Variants in AKAP13 observed in about 807,000 individuals in gnomAD.
The protein encoded by AKAP13 is A-kinase anchoring protein 13.
Under a neutral mutation model 264.5 loss-of-function variants are expected in AKAP13, and 80 were observed. The ratio of observed to expected loss-of-function variants is 0.30; its 90% CI spans 0.25 to 0.36. The LOEUF is 0.36. AKAP13 is among the 10% of genes least tolerant of loss of function. AKAP13 has a pLI of 1.00. For missense variants in AKAP13, 3,712 were observed against 3,435.2 expected, an observed-to-expected ratio of 1.08 and a Z score of -2.01; for synonymous variants, 1,380 against 1,250.2, an observed-to-expected ratio of 1.10 and a Z score of -2.19.
intron 1 of AKAP13, among the ~76,000 whole-genome samples, chr15:85,402,711 C>T (rs1028910612): frequency 2.0e-5 from 3 of 151,910 alleles, no homozygotes; most frequent in Non-Finnish European, 4.4e-5. Context: ...ATCTGTATGT[C>T]TCACTTAACC....
intron 8 of AKAP13, among the ~76,000 whole-genome samples, chr15:85,593,108 G>A (rs919147823): frequency 1.7e-4 from 26 of 152,206 alleles, no homozygotes; most frequent in African/African-American, 6.0e-4. Flanking sequence ...CCAGGAGTTC[G>A]AGACCAGCCT....
intron 2 of AKAP13, among the ~76,000 whole-genome samples, chr15:85,516,700 G>A (rs910130672): frequency 8.6e-5 from 13 of 151,798 alleles, no homozygotes; most frequent in African/African-American, 2.2e-4. Context: ...TGGTGTGCTG[G>A]TTAAAAAGAA....
chr15:85,684,548 A>G, intron 15 of AKAP13, 193 bp from the exon 16 acceptor site: 1 of 568,608 alleles, frequency 1.8e-6, no homozygotes, highest in Non-Finnish European at 3.0e-6. Flanking sequence ...TGTCTCCAAA[A>G]CAGACAAGTG....
intron 1 of AKAP13, among the ~76,000 whole-genome samples, chr15:85,391,486 C>CTTT (rs759926035): frequency 1.2e-4 from 16 of 135,772 alleles, no homozygotes; most frequent in African/African-American, 3.5e-4. Flanking sequence ...CTTTTCTTTT[C>CTTT]TTTTTTTTTT....
At chr15:85,603,353 C>CAGA (rs1388323086) in intron 8 of AKAP13, among the ~76,000 whole-genome samples, 1 of 152,216 alleles carries the variant, frequency 6.6e-6, no homozygotes, top group Non-Finnish European at 1.5e-5. Flanking sequence ...GCACCAATGC[C>CAGA]TTGGTTTGTG....
chr15:85,741,297 C>T lies in AKAP13; in HGVS notation c.7860C>T (p.Ala2620=). 2.5e-6 allele frequency: 4 copies of T among 1,611,408 alleles called. No homozygotes were observed. The highest frequency in any genetic ancestry group is 3.4e-6 in the Non-Finnish European group (4 of 1,178,960). ...RELREREALL[A]QREEEVQQGQ... ...TGCGGGAGCGGGAGGCCCTCCTGGCCCAGCGCGAGGAGGAGGTGCAGCAGG... is the reference window on the plus strand; with the variant it reads ...TGCGGGAGCGGGAGGCCCTCCTGGCTCAGCGCGAGGAGGAGGTGCAGCAGG... Residue 2620 remains alanine (A), a synonymous_variant, in exon 35 of 37, where the codon GCC becomes GCT. Coordinates refer to ENST00000394518, the MANE Select transcript of AKAP13 (RefSeq NM_007200.5).
chr15:85,480,502 G>T (rs1237586695), intron 1 of AKAP13, among the ~76,000 whole-genome samples: 2 of 151,710 alleles, frequency 1.3e-5, no homozygotes, highest in African/African-American at 4.8e-5. Context: ...CAAGTTAAGT[G>T]ACTTGCTCAA....
intron 12 of AKAP13, chr15:85,662,273 A>G: frequency 1.0e-6 from 1 of 985,768 alleles, no homozygotes; most frequent in Admixed American, 2.1e-5. Context: ...TTTTTTGTTG[A>G]TCGCATAAAT....
At chr15:85,735,237 C>A in intron 31 of AKAP13, 87 bp downstream of exon 31, 1 of 1,509,688 alleles carries the variant, frequency 6.6e-7, no homozygotes. Context: ...GTAGCTACAT[C>A]ACCGCTCCCA....
chr15:85,739,026 G>A (rs2088765448), intron 33 of AKAP13, among the ~76,000 whole-genome samples: 1 of 152,068 alleles, frequency 6.6e-6, no homozygotes, highest in Non-Finnish European at 1.5e-5. Flanking sequence ...TTTCCCCAAG[G>A]CATGTTTTTA....
chr15:85,459,512 T>C (rs553814408), intron 1 of AKAP13, among the ~76,000 whole-genome samples: 2 of 151,344 alleles, frequency 1.3e-5, no homozygotes, highest in South Asian at 4.2e-4. Flanking sequence ...TTTTTCTTTT[T>C]TTTTTGAGAT....
At chr15:85,705,623 T>G (rs557028639) in intron 17 of AKAP13, among the ~76,000 whole-genome samples, 2 of 152,104 alleles carry the variant, frequency 1.3e-5, no homozygotes, top group African/African-American at 4.8e-5. Flanking sequence ...AAATTAAAAA[T>G]TTTTTTTAAT....
chr15:85,737,200 A>G (rs574818223), intron 33 of AKAP13, among the ~76,000 whole-genome samples: 12 of 152,146 alleles, frequency 7.9e-5, no homozygotes, highest in African/African-American at 2.2e-4. Flanking sequence ...GATTACAGGC[A>G]TGAGCCACCG....
At chr15:85,514,615 G>A (rs1262120952) in intron 2 of AKAP13, among the ~76,000 whole-genome samples, 1 of 137,838 alleles carries the variant, frequency 7.3e-6, no homozygotes, top group East Asian at 2.0e-4. Flanking sequence ...CCTCTGTTGT[G>A]TAAGCCTTTA....
At chr15:85,543,410 T>C (rs954246964) in intron 4 of AKAP13, among the ~76,000 whole-genome samples, 20 of 152,250 alleles carry the variant, frequency 1.3e-4, no homozygotes, top group African/African-American at 4.6e-4. Context: ...GCTTCTGTTA[T>C]TATTATTTGA....
rs1476833200 is a variant in AKAP13, at chr15:85,505,621, G to A, written c.34-15807G>A. ...GTCAACCTAAGTCTTTATCTGGAAT[G>A]ACTTTATGTAAAAGTCGATAAATTT... is the stretch of plus-strand genomic sequence containing the variant. On this transcript the variant is annotated intron_variant, in intron 2 of 36. Coordinates refer to ENST00000394518, the MANE Select transcript of AKAP13 (RefSeq NM_007200.5). Among the ~76,000 whole-genome samples, 3 of 152,048 alleles carry A rather than the reference G, an allele frequency of 2.0e-5. No homozygotes were observed. The East Asian group carries it at 5.8e-4, about 29-fold the overall frequency.
intron 9 of AKAP13, among the ~76,000 whole-genome samples, chr15:85,644,976 T>G (rs933901358): frequency 2.0e-5 from 3 of 152,156 alleles, no homozygotes; most frequent in African/African-American, 7.2e-5. Flanking sequence ...AAAAATAAAC[T>G]GGACTTGGTG....
chr15:85,657,898 G>A (rs1201424312), intron 11 of AKAP13, among the ~76,000 whole-genome samples: 1 of 151,942 alleles, frequency 6.6e-6, no homozygotes, highest in Non-Finnish European at 1.5e-5. Context: ...AATCCACTAT[G>A]GGTTCCTTTG....
At chr15:85,561,862 ATGAT>A (rs1234303503) in intron 5 of AKAP13, among the ~76,000 whole-genome samples, 13 of 152,202 alleles carry the variant, frequency 8.5e-5, no homozygotes, top group Admixed American at 6.5e-5. Flanking sequence ...ATAGTACGCA[ATGAT>A]CTAGAACTTG....
Sources: gnomAD v4.1 joint callset for allele counts (sites outside exome capture counted in the v4.1 genomes callset) on GRCh38, gnomAD v4.1.1 for gene constraint, MANE v1.5 for transcripts, NCBI Gene and HGNC (gene_info 2026-07-23, HGNC 2026-07-21) for gene names.